ADCY2: variants seen among roughly 807,000 people sequenced by gnomAD.
ADCY2 encodes the protein adenylate cyclase type 2.
In ADCY2, 31 loss-of-function variants were observed where a neutral mutation model predicts 125.2. That is an observed-to-expected ratio of 0.25 (90% confidence interval 0.19 to 0.33). ADCY2 has a LOEUF of 0.33. ADCY2 is among the 10% of genes least tolerant of loss of function. ADCY2 has a pLI of 1.00. For synonymous variants in ADCY2, 512 were observed against 548.4 expected (o/e 0.93, Z 0.93); for missense variants, 904 against 1,418.2 (o/e 0.64, Z 5.82).
At chr5:7,598,700 TC>T (rs1737094738) in intron 3 of ADCY2, among the ~76,000 whole-genome samples, 1 of 152,064 alleles carries the variant, frequency 6.6e-6, no homozygotes, top group Non-Finnish European at 1.5e-5. Flanking sequence ...GGATTGTGCT[TC>T]CCAGCCCCGT....
chr5:7,810,199 A>C (rs1158084988), intron 22 of ADCY2, among the ~76,000 whole-genome samples: 1 of 151,624 alleles, frequency 6.6e-6, no homozygotes, highest in Non-Finnish European at 1.5e-5. Context: ...TGATCCAGGT[A>C]CTCCTGAAAA....
intron 22 of ADCY2, among the ~76,000 whole-genome samples, chr5:7,815,196 A>G (rs992178751): frequency 2.0e-5 from 3 of 152,312 alleles, no homozygotes; most frequent in African/African-American, 7.2e-5. Flanking sequence ...TAGTTATTCA[A>G]TAGGCATTTA....
intron 3 of ADCY2, among the ~76,000 whole-genome samples, chr5:7,593,568 A>G (rs1040530933): frequency 6.6e-6 from 1 of 152,188 alleles, no homozygotes; most frequent in Non-Finnish European, 1.5e-5. Context: ...TGAGAAAAAA[A>G]AAATAGCCAA....
intron 4 of ADCY2, among the ~76,000 whole-genome samples, chr5:7,636,043 C>T (rs1054194152): frequency 1.3e-5 from 2 of 152,204 alleles, no homozygotes; most frequent in Non-Finnish European, 2.9e-5. Flanking sequence ...TGGCACATGC[C>T]CTTGTGGCTC....
intron 24 of ADCY2, among the ~76,000 whole-genome samples, chr5:7,822,574 A>T (rs1745334884): frequency 6.6e-6 from 1 of 152,244 alleles, no homozygotes; most frequent in South Asian, 2.1e-4. Context: ...GCTAGAAATT[A>T]GTGAAATTCA....
At chr5:7,764,496 A>G (rs561999946) in intron 16 of ADCY2, among the ~76,000 whole-genome samples, 2 of 152,336 alleles carry the variant, frequency 1.3e-5, no homozygotes, top group East Asian at 1.9e-4. Context: ...GACAAACACA[A>G]TGATGTCATC....
chr5:7,722,503 G>T (rs186639065), intron 12 of ADCY2, among the ~76,000 whole-genome samples: 1 of 152,244 alleles, frequency 6.6e-6, no homozygotes. Context: ...GTCTTAAGTT[G>T]TATTTTCTGC....
At chr5:7,410,965 T>C (rs1309744183) in intron 1 of ADCY2, among the ~76,000 whole-genome samples, 1 of 152,134 alleles carries the variant, frequency 6.6e-6, no homozygotes, top group African/African-American at 2.4e-5. Context: ...GCTGTCATCC[T>C]AGGTCTGAGA....
At chr5:7,431,549 G>A (rs1740603213) in intron 2 of ADCY2, among the ~76,000 whole-genome samples, 1 of 149,606 alleles carries the variant, frequency 6.7e-6, no homozygotes, top group African/African-American at 2.5e-5. Context: ...AACCCTGATA[G>A]ATAAAATTTT....
chr5:7,770,945 A>G (rs1743537237), intron 17 of ADCY2, among the ~76,000 whole-genome samples: 1 of 152,240 alleles, frequency 6.6e-6, no homozygotes. Flanking sequence ...AAGCCATATG[A>G]AATGCAAGCT....
At chr5:7,535,087 C>A (rs1734772317) in intron 3 of ADCY2, among the ~76,000 whole-genome samples, 1 of 152,188 alleles carries the variant, frequency 6.6e-6, no homozygotes, top group Non-Finnish European at 1.5e-5. Context: ...GTCACCCAGG[C>A]TAGAGTGCAA....
intron 2 of ADCY2, among the ~76,000 whole-genome samples, chr5:7,466,246 T>A (rs772191179): frequency 6.6e-6 from 1 of 152,194 alleles, no homozygotes; most frequent in Admixed American, 6.5e-5. Flanking sequence ...GCCTCCAAGT[T>A]TTCTTTTTGT....
At chr5:7,750,881 C>T (rs528194606) in intron 15 of ADCY2, among the ~76,000 whole-genome samples, 13 of 152,006 alleles carry the variant, frequency 8.6e-5, no homozygotes, top group African/African-American at 2.2e-4. Context: ...CCTCATAATC[C>T]GCTCTAGGTC....
At chr5:7,819,081 G>T (rs1027025815) in intron 23 of ADCY2, among the ~76,000 whole-genome samples, 4 of 152,152 alleles carry the variant, frequency 2.6e-5, no homozygotes, top group African/African-American at 9.7e-5. Flanking sequence ...ACAGGAGGAA[G>T]ATGTAGGCTG....
At chr5:7,673,270 ATAT>A (rs1473935242) in intron 4 of ADCY2, among the ~76,000 whole-genome samples, 6 of 5,962 alleles carry the variant, frequency 1.0e-3, no homozygotes, top group Admixed American at 3.2e-3. Context: ...AAAAAAAAAA[ATAT>A]ATATATATAT....
chr5:7,655,278 G>A (rs952519766), intron 4 of ADCY2, among the ~76,000 whole-genome samples: 1 of 152,176 alleles, frequency 6.6e-6, no homozygotes, highest in East Asian at 1.9e-4. Flanking sequence ...TTAGTCAGGG[G>A]TCTTTAGAGA....
chr5:7,676,249 A>G (rs1247765876), intron 4 of ADCY2, among the ~76,000 whole-genome samples: 1 of 152,224 alleles, frequency 6.6e-6, no homozygotes, highest in African/African-American at 2.4e-5. Flanking sequence ...ATATGCAAAG[A>G]ACATCTTGCT....
At chr5:7,688,594 A>G (rs376444676) in intron 4 of ADCY2, among the ~76,000 whole-genome samples, 1 of 152,000 alleles carries the variant, frequency 6.6e-6, no homozygotes, top group African/African-American at 2.4e-5. Context: ...GTGGATGGAA[A>G]TTTCACACTT....
At chr5:7,705,233 C>G (rs899783166) in intron 7 of ADCY2, among the ~76,000 whole-genome samples, 1 of 152,200 alleles carries the variant, frequency 6.6e-6, no homozygotes, top group Non-Finnish European at 1.5e-5. Context: ...CATTAGTAAA[C>G]TTGTGTGAAG....
Sources: gnomAD v4.1 joint callset for allele counts (sites outside exome capture counted in the v4.1 genomes callset) on GRCh38, gnomAD v4.1.1 for gene constraint, MANE v1.5 for transcripts, NCBI Gene and HGNC (gene_info 2026-07-23, HGNC 2026-07-21) for gene names.